Variants in USH2A observed in about 807,000 individuals in gnomAD.
USH2A encodes the protein Usher syndrome 2A (autosomal recessive, mild).
USH2A carries 443 observed loss-of-function variants against 538.9 expected under a neutral mutation model. The ratio of observed to expected loss-of-function variants is 0.82; its 90% CI spans 0.76 to 0.89. The LOEUF (loss-of-function observed/expected upper bound fraction) is 0.89. USH2A is among the 40% of genes least tolerant of loss of function. The probability of loss-of-function intolerance (pLI) is 0.00; values close to 1 mark genes in which losing one functional copy is unlikely to be tolerated. For synonymous variants in USH2A, 2,413 were observed against 2,273.5 expected (o/e 1.06, Z -1.75); for missense variants, 6,633 against 6,324.8 (o/e 1.05, Z -1.65).
chr1:215,818,475 G>A (rs930762216), intron 47 of USH2A, among the ~76,000 whole-genome samples: 5 of 151,338 alleles, frequency 3.3e-5, no homozygotes, highest in African/African-American at 1.2e-4. Context: ...AGAACTTAAA[G>A]ATTCCCGTAA....
chr1:216,083,414 T>C (rs746276987), intron 26 of USH2A, 42 bp downstream of exon 26: 1 of 1,595,054 alleles, frequency 6.3e-7, no homozygotes, highest in Non-Finnish European at 8.6e-7. Context: ...TAAAGTTGGG[T>C]CCTATATTTT....
intron 55 of USH2A, among the ~76,000 whole-genome samples, chr1:215,773,508 CTCTG>C (rs879350275): frequency 0.11 from 13,224 of 123,508 alleles, 586 homozygotes; most frequent in African/African-American, 0.15. Context: ...CTCTCTCTCT[CTCTG>C]TCTCTCTCTC....
chr1:216,190,455 A>G, intron 19 of USH2A, 88 bp from the exon 20 acceptor site: 1 of 1,533,266 alleles, frequency 6.5e-7, no homozygotes, highest in South Asian at 1.2e-5. Context: ...AGTTCCATGA[A>G]TTCAGACAGA....
intron 21 of USH2A, among the ~76,000 whole-genome samples, chr1:216,146,469 C>T (rs1476354149): frequency 3.9e-5 from 6 of 152,174 alleles, no homozygotes; most frequent in African/African-American, 4.8e-5. Flanking sequence ...TGTCAGACCA[C>T]GCAGGGACAC....
chr1:216,097,260 A>G, intron 21 of USH2A, 47 bp from the exon 22 acceptor site: 2 of 1,613,428 alleles, frequency 1.2e-6, no homozygotes, highest in Admixed American at 1.7e-5. Flanking sequence ...GGTTTTGTTG[A>G]TTCTTTCTGA....
At chr1:215,878,638 A>G (rs1664832488) in intron 42 of USH2A, 126 bp downstream of exon 42, 1 of 877,700 alleles carries the variant, frequency 1.1e-6, no homozygotes, top group African/African-American at 1.7e-5. Flanking sequence ...GAAAGTTATG[A>G]GTCAGGGGAT....
At chr1:216,077,089 C>T (rs900457010) in intron 27 of USH2A, among the ~76,000 whole-genome samples, 4 of 152,120 alleles carry the variant, frequency 2.6e-5, no homozygotes, top group African/African-American at 9.7e-5. Flanking sequence ...TCAGTTTCCT[C>T]ATCTGTAATG....
At chr1:216,379,851 G>A (rs1386442236) in intron 3 of USH2A, among the ~76,000 whole-genome samples, 1 of 152,192 alleles carries the variant, frequency 6.6e-6, no homozygotes, top group African/African-American at 2.4e-5. Flanking sequence ...TAGGCCCTAA[G>A]CAGAGTTTAG....
At chr1:216,170,311 A>G (rs1367146709) in intron 21 of USH2A, among the ~76,000 whole-genome samples, 1 of 152,140 alleles carries the variant, frequency 6.6e-6, no homozygotes, top group Non-Finnish European at 1.5e-5. Context: ...ATTTTAGTTC[A>G]ACCATTTTTG....
intron 47 of USH2A, among the ~76,000 whole-genome samples, chr1:215,817,778 C>T (rs570583972): frequency 2.0e-5 from 3 of 151,718 alleles, no homozygotes; most frequent in East Asian, 1.9e-4. Flanking sequence ...ACAAAGATGC[C>T]GCCATTATAT....
At chr1:215,953,701 T>A (rs1014562149) in intron 37 of USH2A, among the ~76,000 whole-genome samples, 14 of 151,928 alleles carry the variant, frequency 9.2e-5, no homozygotes, top group South Asian at 8.4e-4. Flanking sequence ...ACAAAAGCCA[T>A]AATTGACAAA....
intron 50 of USH2A, among the ~76,000 whole-genome samples, 159 bp downstream of exon 50, chr1:215,798,748 T>C (rs1662211478): frequency 6.6e-6 from 1 of 152,196 alleles, no homozygotes; most frequent in Admixed American, 6.5e-5. Flanking sequence ...AATTGGGAGA[T>C]TACATTGTTA....
intron 38 of USH2A, among the ~76,000 whole-genome samples, chr1:215,914,803 G>C (rs1259824007): frequency 3.9e-5 from 6 of 152,150 alleles, no homozygotes; most frequent in Non-Finnish European, 8.8e-5. Context: ...AGTTATGCCT[G>C]GTGGCTAGAA....
At chr1:215,930,394 G>A (rs1242457533) in intron 38 of USH2A, among the ~76,000 whole-genome samples, 1 of 151,630 alleles carries the variant, frequency 6.6e-6, no homozygotes, top group East Asian at 1.9e-4. Flanking sequence ...CAAGATTTCA[G>A]TTCATCTGGA....
chr1:215,851,448 G>A (rs765759607), intron 44 of USH2A, among the ~76,000 whole-genome samples: 19 of 152,002 alleles, frequency 1.2e-4, no homozygotes, highest in Non-Finnish European at 2.1e-4. Flanking sequence ...AGAAAACCTA[G>A]ATAAACTCCT....
At chr1:215,876,770 T>C (rs1287314710) in intron 43 of USH2A, among the ~76,000 whole-genome samples, 2 of 152,092 alleles carry the variant, frequency 1.3e-5, no homozygotes, top group African/African-American at 4.8e-5. Flanking sequence ...TGGCAGATGA[T>C]CTAGTCAGGC....
intron 37 of USH2A, among the ~76,000 whole-genome samples, chr1:215,954,336 T>C (rs549993417): frequency 4.9e-4 from 74 of 152,092 alleles, no homozygotes; most frequent in African/African-American, 1.7e-3. Flanking sequence ...AATGATAGAC[T>C]GGATTAAGAA....
chr1:215,677,066 G>A (rs902060508), intron 62 of USH2A, among the ~76,000 whole-genome samples: 4 of 151,912 alleles, frequency 2.6e-5, no homozygotes, highest in Admixed American at 6.6e-5. Flanking sequence ...CTCCCTCACC[G>A]TTGATTGATT....
At chr1:215,995,544 C>T (rs974225639) in intron 34 of USH2A, among the ~76,000 whole-genome samples, 2 of 152,100 alleles carry the variant, frequency 1.3e-5, no homozygotes, top group Non-Finnish European at 2.9e-5. Flanking sequence ...GAAATTGAAC[C>T]AATCAGTATC....
Sources: gnomAD v4.1 joint callset for allele counts (sites outside exome capture counted in the v4.1 genomes callset) on GRCh38, gnomAD v4.1.1 for gene constraint, MANE v1.5 for transcripts, NCBI Gene and HGNC (gene_info 2026-07-23, HGNC 2026-07-21) for gene names.